RGL1: variants seen among roughly 807,000 people sequenced by gnomAD.
RGL1 encodes the protein ral guanine nucleotide dissociation stimulator like 1.
In RGL1, 24 loss-of-function variants were observed where a neutral mutation model predicts 95.2. The observed-to-expected ratio is 0.25, with a 90% CI of 0.18 to 0.35. The LOEUF (loss-of-function observed/expected upper bound fraction) is 0.35. RGL1 is among the 10% of genes least tolerant of loss of function. The pLI is 1.00. For missense variants in RGL1, 715 were observed against 936.3 expected, an observed-to-expected ratio of 0.76 and a Z score of 3.08; for synonymous variants, 329 against 344.9, an observed-to-expected ratio of 0.95 and a Z score of 0.51.
At chr1:183,661,554 T>C (rs1158593237) in intron 1 of RGL1, among the ~76,000 whole-genome samples, 1 of 152,060 alleles carries the variant, frequency 6.6e-6, no homozygotes, top group Non-Finnish European at 1.5e-5. Flanking sequence ...TCTGAAATTG[T>C]GGCAATAATC....
At chr1:183,870,630 C>CG (rs941091569) in intron 4 of RGL1, among the ~76,000 whole-genome samples, 2 of 152,080 alleles carry the variant, frequency 1.3e-5, no homozygotes, top group Admixed American at 6.5e-5. Context: ...CTTTCGGGCC[C>CG]GGGGGAGAAT....
chr1:183,647,435 C>T (rs1650369617), intron 1 of RGL1: 2 of 398,768 alleles, frequency 5.0e-6, no homozygotes, highest in South Asian at 7.4e-5. Flanking sequence ...CTAATGGTTC[C>T]ATTTTGATAC....
chr1:183,835,906 T>G (rs1285948156), intron 2 of RGL1, among the ~76,000 whole-genome samples: 1 of 152,266 alleles, frequency 6.6e-6, no homozygotes, highest in Non-Finnish European at 1.5e-5. Flanking sequence ...TGTACAGATA[T>G]GGAGATTGAG....
At chr1:183,758,880 G>C (rs1325268828) in intron 2 of RGL1, among the ~76,000 whole-genome samples, 2 of 152,176 alleles carry the variant, frequency 1.3e-5, no homozygotes, top group African/African-American at 4.8e-5. Flanking sequence ...ATAGAACTTA[G>C]AACTCTGTTA....
At chr1:183,805,449 A>G (rs1239350269) in intron 1 of RGL1, 125 bp downstream of exon 1, 1 of 825,176 alleles carries the variant, frequency 1.2e-6, no homozygotes, top group Admixed American at 2.0e-5. Context: ...TTGTGAGCTA[A>G]AGCTCTCTCA....
At chr1:183,712,042 A>C in intron 1 of RGL1, among the ~76,000 whole-genome samples, 1 of 152,220 alleles carries the variant, frequency 6.6e-6, no homozygotes, top group Non-Finnish European at 1.5e-5. Context: ...ATTAAAATGA[A>C]CATAAAGTAT....
chr1:183,854,390 A>G (rs1392203589), intron 3 of RGL1, among the ~76,000 whole-genome samples: 1 of 152,196 alleles, frequency 6.6e-6, no homozygotes, highest in Non-Finnish European at 1.5e-5. Context: ...GGATTTAAGT[A>G]AGTATAGTAC....
At chr1:183,838,350 C>CT (rs1663808652) in intron 2 of RGL1, among the ~76,000 whole-genome samples, 2 of 152,206 alleles carry the variant, frequency 1.3e-5, no homozygotes, top group Admixed American at 6.5e-5. Context: ...TTCCTGGACT[C>CT]TATCTAGGAA....
chr1:183,654,076 T>G (rs1286581893), intron 1 of RGL1, among the ~76,000 whole-genome samples: 3 of 152,220 alleles, frequency 2.0e-5, no homozygotes, highest in Admixed American at 6.5e-5. Context: ...TCAGGGATAC[T>G]GAGCACCCAG....
intron 2 of RGL1, among the ~76,000 whole-genome samples, chr1:183,818,839 T>A (rs1662259657): frequency 6.6e-6 from 1 of 152,332 alleles, no homozygotes; most frequent in Admixed American, 6.5e-5. Context: ...TTGAAGCAGC[T>A]AAATTTAGCT....
At position 183,641,105 on chromosome 1, in the gene RGL1, T is replaced by C. The variant is rs1181486823; in HGVS notation, c.-33+4604T>C. Among the ~76,000 whole-genome samples the C allele has an allele frequency of 3.3e-5, 5 of 152,164 alleles. No individual in the cohort carries two copies. The East Asian group carries it at 9.6e-4, about 29-fold the overall frequency. Reference sequence around the variant, plus strand: ...CATTTTAATTACTTGCTGGATTTGATTAGTTTATATTTTGTTTATATGGTT... The same window carrying C: ...CATTTTAATTACTTGCTGGATTTGACTAGTTTATATTTTGTTTATATGGTT... On this transcript the variant is annotated intron_variant, in intron 1 of 18. Transcript: ENST00000304685.
chr1:183,695,095 G>A (rs1416834222), intron 1 of RGL1, among the ~76,000 whole-genome samples: 1 of 152,226 alleles, frequency 6.6e-6, no homozygotes, highest in Non-Finnish European at 1.5e-5. Context: ...GTAAGTGAAG[G>A]TGTGTATGAC....
intron 5 of RGL1, among the ~76,000 whole-genome samples, chr1:183,881,805 C>T (rs1666840186): frequency 6.6e-6 from 1 of 152,236 alleles, no homozygotes; most frequent in Non-Finnish European, 1.5e-5. Context: ...TACTCTATAT[C>T]TCAGATGACT....
chr1:183,792,103 C>A (rs1451396967), intron 2 of RGL1, among the ~76,000 whole-genome samples: 1 of 152,044 alleles, frequency 6.6e-6, no homozygotes, highest in East Asian at 1.9e-4. Flanking sequence ...TTCCCATTTT[C>A]TCTTTATTTT....
chr1:183,662,946 A>T (rs1651752681), intron 1 of RGL1, among the ~76,000 whole-genome samples: 1 of 152,210 alleles, frequency 6.6e-6, no homozygotes, highest in Non-Finnish European at 1.5e-5. Flanking sequence ...AATCTGAGAA[A>T]AATAAGCAAT....
At chr1:183,909,264 G>A (rs974029838) in intron 14 of RGL1, among the ~76,000 whole-genome samples, 1 of 152,182 alleles carries the variant, frequency 6.6e-6, no homozygotes, top group African/African-American at 2.4e-5. Flanking sequence ...CATTTTTGCT[G>A]TTCCCACATT....
At chr1:183,768,960 G>C (rs916065152) in intron 2 of RGL1, among the ~76,000 whole-genome samples, 3 of 152,178 alleles carry the variant, frequency 2.0e-5, no homozygotes, top group Non-Finnish European at 4.4e-5. Context: ...TTGGAAATAT[G>C]TTTCCCTGTA....
intron 2 of RGL1, among the ~76,000 whole-genome samples, chr1:183,751,272 A>G (rs1415794608): frequency 1.3e-5 from 2 of 152,292 alleles, no homozygotes; most frequent in East Asian, 1.9e-4. Flanking sequence ...AGAGAGGAGG[A>G]ATCTGGAGAG....
chr1:183,736,061 A>C (rs1236054444), intron 1 of RGL1, among the ~76,000 whole-genome samples: 1 of 152,244 alleles, frequency 6.6e-6, no homozygotes, highest in African/African-American at 2.4e-5. Context: ...GCCTCAGCAC[A>C]CTTACAATAG....
Sources: allele counts gnomAD v4.1 joint callset (sites outside exome capture counted in the v4.1 genomes callset), GRCh38; gene constraint gnomAD v4.1.1; transcripts MANE v1.5; gene names NCBI Gene and HGNC (gene_info 2026-07-23, HGNC 2026-07-21).